PNPLA7: variants seen among roughly 807,000 people sequenced by gnomAD.
PNPLA7 encodes patatin-like phospholipase domain-containing protein 7.
A neutral mutation model predicts 161.7 loss-of-function variants in PNPLA7; 153 were observed. The observed-to-expected ratio is 0.95, with a 90% CI of 0.83 to 1.08. The LOEUF is 1.08. PNPLA7 is among the 50% of genes least tolerant of loss of function. PNPLA7 has a pLI of 0.00. For synonymous variants in PNPLA7, 809 were observed against 782.1 expected (o/e 1.03, Z -0.57); for missense variants, 1,739 against 1,856.6 (o/e 0.94, Z 1.16).
intron 11 of PNPLA7, among the ~76,000 whole-genome samples, chr9:137,517,778 C>CCCG (rs1834691696): frequency 3.0e-5 from 1 of 33,174 alleles, no homozygotes; most frequent in Admixed American, 1.8e-4. Context: ...CACTCCATCC[C>CCCG]TCACTCACTC....
chr9:137,540,460 A>G lies in PNPLA7; in HGVS notation c.747+182T>C, dbSNP rs1836134411. On this transcript the variant is annotated intron_variant, in intron 8 of 34. Transcript: ENST00000406427. This position sits in a 1 kb window ranked among gnomAD's most constrained non-coding sequence, Gnocchi z 5.1. ...CACATGCCCGGCTATTCTTCAACGC[A>G]CTGTGGCCAGAATGAAGCTCCCTCC... 6.6e-6 allele frequency among the ~76,000 whole-genome samples: 1 copy of G among 152,222 alleles called. No individual in the cohort carries two copies. Among genetic ancestry groups the G allele is most frequent in the African/African-American group, 2.4e-5 (1 of 41,462 alleles).
At chr9:137,460,509 C>G (rs1245366265) in intron 34 of PNPLA7, 33 bp from the exon 35 acceptor site, 1 of 1,609,834 alleles carries the variant, frequency 6.2e-7, no homozygotes, top group Non-Finnish European at 8.5e-7. Context: ...AGGTGAGGAC[C>G]AGGCAGGGCA....
chr9:137,495,347 A>G (rs553115299), intron 18 of PNPLA7, among the ~76,000 whole-genome samples: 1 of 152,308 alleles, frequency 6.6e-6, no homozygotes, highest in South Asian at 2.1e-4. Context: ...GCCCCCTAGC[A>G]ACCCAGGCAA....
rs768425955 is a variant in PNPLA7 at position 137,463,475 on chromosome 9, G to A, written c.3283C>T (p.Leu1095Phe). The change falls in exon 29 of 35, where the codon CTC becomes TTC. Residue 1095 changes from leucine to phenylalanine, a missense_variant. Physicochemically the swap from Leu to Phe is conservative, Grantham distance 22. Transcript: ENST00000406427. ...AGGTGTCCGTCCTTCGGGTCACAGA[G>A]AGGGGGCATGTAACCGGACAGGGAC... ...SMSLSGYMPP[L>F]CDPKDGHLLM... The A allele has an allele frequency of 3.1e-6, 5 of 1,594,124 alleles. No homozygotes were observed. In the East Asian group the frequency reaches 6.8e-5, roughly 22 times the overall value.
Position 137,501,670 on chromosome 9 carries a change from C to G in PNPLA7, c.1531G>C (p.Val511Leu). 1.2e-6 allele frequency: 2 copies of G among 1,612,602 alleles called. No individual in the cohort carries two copies. The highest frequency in any genetic ancestry group is 1.7e-6 in the Non-Finnish European group (2 of 1,179,874). Residue 511 changes from valine to leucine, a missense_variant, in exon 15 of 35, where the codon GTG becomes CTG. Physicochemically the swap from Val to Leu is conservative, Grantham distance 32. Coordinates refer to ENST00000406427, the MANE Select transcript of PNPLA7 (RefSeq NM_001098537.3). ...ALLHVPAGTV[V>L]SRQGDQDASI... is the part of the protein sequence containing the mutation. Reference sequence around the variant, plus strand: ...CTCACCTGGTCTCCCTGCCTTGACACCACCGTGCCTGCAGGAACGTGCAGA... The same window carrying G: ...CTCACCTGGTCTCCCTGCCTTGACAGCACCGTGCCTGCAGGAACGTGCAGA...
chr9:137,482,602 G>A (rs988431407), intron 21 of PNPLA7, among the ~76,000 whole-genome samples: 1 of 152,240 alleles, frequency 6.6e-6, no homozygotes, highest in South Asian at 2.1e-4. Flanking sequence ...GCAGCCACCT[G>A]CAGGGTCTCC....
chr9:137,529,720 C>T (rs1045660084), intron 8 of PNPLA7, among the ~76,000 whole-genome samples: 14 of 148,992 alleles, frequency 9.4e-5, no homozygotes, highest in African/African-American at 2.2e-4. Context: ...TGTAGTGGCA[C>T]GATCTCGGCT....
chr9:137,464,820 G>A (rs1354011255), intron 26 of PNPLA7: 6 of 277,760 alleles, frequency 2.2e-5, no homozygotes, highest in Non-Finnish European at 3.5e-5. Flanking sequence ...TCAGCGAGGA[G>A]GAGAGCTCGG....
chr9:137,521,903 G>A (rs1055610551), intron 9 of PNPLA7, among the ~76,000 whole-genome samples, 187 bp from the exon 10 acceptor site: 3 of 152,164 alleles, frequency 2.0e-5, no homozygotes, highest in East Asian at 1.9e-4. Context: ...TTCACATCAC[G>A]GGGAATGGGA....
chr9:137,544,791 A>G (rs1836399552), intron 4 of PNPLA7, among the ~76,000 whole-genome samples: 1 of 151,898 alleles, frequency 6.6e-6, no homozygotes, highest in Non-Finnish European at 1.5e-5. Flanking sequence ...TTGGGATTAC[A>G]GGCGCCCGCC....
At chr9:137,498,786 G>A (rs146641106) in intron 16 of PNPLA7, among the ~76,000 whole-genome samples, 155 of 152,280 alleles carry the variant, frequency 1.0e-3, no homozygotes, top group African/African-American at 3.6e-3. Flanking sequence ...CAGCAGGGAC[G>A]TGCCCAGGGG....
At chr9:137,497,154 G>A in intron 18 of PNPLA7, 33 bp downstream of exon 18, 1 of 1,516,162 alleles carries the variant, frequency 6.6e-7, no homozygotes, top group Non-Finnish European at 8.8e-7. Flanking sequence ...GGATGCAGAG[G>A]TGGGGGAGGC....
intron 25 of PNPLA7, among the ~76,000 whole-genome samples, chr9:137,474,981 G>T (rs1227715597): frequency 2.6e-5 from 3 of 117,574 alleles, no homozygotes; most frequent in Admixed American, 1.2e-4. Flanking sequence ...AGCCGAGATC[G>T]CTCACTGCGA....
At chr9:137,497,976 G>T in intron 17 of PNPLA7, 138 bp downstream of exon 17, 2 of 1,365,616 alleles carry the variant, frequency 1.5e-6, no homozygotes, top group Non-Finnish European at 2.0e-6. Flanking sequence ...GGGTGGGGCT[G>T]GGGAAATCCA....
intron 8 of PNPLA7, among the ~76,000 whole-genome samples, chr9:137,534,043 AC>A (rs1835747242): frequency 6.7e-6 from 1 of 148,190 alleles, no homozygotes; most frequent in African/African-American, 2.5e-5. Context: ...AGATGGGAGC[AC>A]CCCCAGACTC....
chr9:137,497,812 C>G (rs1833144999), intron 17 of PNPLA7, among the ~76,000 whole-genome samples: 3 of 152,266 alleles, frequency 2.0e-5, no homozygotes, highest in Admixed American at 1.3e-4. Flanking sequence ...CACGCGTGAG[C>G]CACCACGCCC....
chr9:137,500,642 G>A lies in PNPLA7; in HGVS notation c.1757+49C>T, dbSNP rs747443342. 1.9e-6 allele frequency: 3 copies of A among 1,577,532 alleles called. No individual in the cohort carries two copies. Among genetic ancestry groups the A allele is most frequent in the Non-Finnish European group, 2.6e-6 (3 of 1,153,570 alleles). ...CCGGCCACGCGGGGAGGGGTCTCAG[G>A]GCAGGGGGGGCTGGGGCCCGCCCTG... On this transcript the variant is annotated intron_variant, in intron 16 of 34. Coordinates refer to ENST00000406427, the MANE Select transcript of PNPLA7 (RefSeq NM_001098537.3). This position sits in a 1 kb window ranked among gnomAD's most constrained non-coding sequence, Gnocchi z 5.5.
chr9:137,497,661 G>A (rs1299633789), intron 17 of PNPLA7, among the ~76,000 whole-genome samples: 1 of 152,178 alleles, frequency 6.6e-6, no homozygotes, highest in African/African-American at 2.4e-5. Flanking sequence ...CCAGGTAGCT[G>A]GGATTATAGG....
At chr9:137,502,727 ACG>A (rs1833536051) in intron 14 of PNPLA7, among the ~76,000 whole-genome samples, 1 of 63,982 alleles carries the variant, frequency 1.6e-5, no homozygotes, top group East Asian at 4.8e-4. Context: ...GACGCGGGGG[ACG>A]GGGGGGACGA....
Sources: gnomAD v4.1 joint callset for allele counts (sites outside exome capture counted in the v4.1 genomes callset) on GRCh38, gnomAD v4.1.1 for gene constraint, Gnocchi (gnomAD v3.1) non-coding constraint, MANE v1.5 for transcripts, NCBI Gene and HGNC (gene_info 2026-07-23, HGNC 2026-07-21) for gene names.